Variants in C1QB observed in about 807,000 individuals in gnomAD.
The protein encoded by C1QB is complement C1q subcomponent subunit B.
A neutral mutation model predicts 4.6 loss-of-function variants in C1QB; 2 were observed. That is an observed-to-expected ratio of 0.43 (90% CI 0.18 to 1.36). C1QB has a LOEUF of 1.36. Among genes scored for constraint, C1QB ranks in the 40% most tolerant of loss-of-function variants. C1QB has a pLI of 0.28. For synonymous variants in C1QB, 132 were observed against 137.1 expected, an observed-to-expected ratio of 0.96 and a Z score of 0.26; for missense variants, 292 against 338.0, an observed-to-expected ratio of 0.86 and a Z score of 1.07.
At position 22,661,424 on chromosome 1, in the gene C1QB, C is replaced by T; in HGVS notation, c.*38C>T. 6.2e-7 allele frequency: 1 copy of T among 1,610,808 alleles called. No individual in the cohort carries two copies. The highest frequency in any genetic ancestry group is 1.7e-5 in the Admixed American group (1 of 60,020). On this transcript the variant is annotated 3_prime_UTR_variant, in exon 3 of 3. Coordinates refer to ENST00000509305, the MANE Select transcript of C1QB (RefSeq NM_001378156.1). ...TTCACATCCACCCCGGCTCCCCCTG[C>T]CAGCAACGCTCACTCTACCCCCAAC...
At position 22,660,788 on chromosome 1, in the gene C1QB, C is replaced by T. The variant is rs748925452; in HGVS notation, c.182-24C>T. On this transcript the variant is annotated intron_variant, in intron 2 of 2. Transcript: ENST00000509305. ...CCTTCTTTTGGTCTCAGTGATCTCACTTCTTTGGTCTCTGCTTTTCCAGGG... is the reference window on the plus strand; with the variant it reads ...CCTTCTTTTGGTCTCAGTGATCTCATTTCTTTGGTCTCTGCTTTTCCAGGG... The T allele has an allele frequency of 6.8e-6, 11 of 1,612,934 alleles. No individual in the cohort carries two copies. In the African/African-American group the frequency reaches 9.3e-5, roughly 14 times the overall value.
At chr1:22,659,385 T>C (rs1642585580) in intron 1 of C1QB, 55 bp from the exon 2 acceptor site, 2 of 1,486,290 alleles carry the variant, frequency 1.3e-6, no homozygotes, top group African/African-American at 1.4e-5. Context: ...GATGGATGGA[T>C]GGATGGATGA....
rs1428230041 is a variant in C1QB at position 22,661,092 on chromosome 1, C to A, written c.462C>A (p.Arg154=). ...ACATGAACAACAATTATGAGCCCCG[C>A]AGTGGCAAGTTCACCTGCAAGGTGC... is the stretch of plus-strand genomic sequence containing the variant. ...ITNMNNNYEP[R]SGKFTCKVPG... The change falls in exon 3 of 3, where the codon CGC becomes CGA. Residue 154 remains arginine (R), a synonymous_variant. Coordinates refer to ENST00000509305, the MANE Select transcript of C1QB (RefSeq NM_001378156.1). 6.2e-7 allele frequency: 1 copy of A among 1,614,190 alleles called. No individual in the cohort carries two copies. Among genetic ancestry groups the A allele is most frequent in the South Asian group, 1.1e-5 (1 of 91,080 alleles).
rs1173621013 is a variant in C1QB at position 22,661,091 on chromosome 1, G to A, written c.461G>A (p.Arg154His). The change falls in exon 3 of 3, where the codon CGC becomes CAC. Residue 154 changes from arginine (R) to histidine (H), a missense_variant. Arg to His is a conservative substitution (Grantham distance 29). Coordinates refer to ENST00000509305, the MANE Select transcript of C1QB (RefSeq NM_001378156.1). Reference protein sequence around the residue: ...ITNMNNNYEPRSGKFTCKVPG... With the variant: ...ITNMNNNYEPHSGKFTCKVPG... ...AACATGAACAACAATTATGAGCCCC[G>A]CAGTGGCAAGTTCACCTGCAAGGTG... The A allele has an allele frequency of 8.1e-6, 13 of 1,614,072 alleles. No homozygotes were observed. The highest frequency in any genetic ancestry group is 3.3e-5 in the Admixed American group (2 of 60,018).
At chr1:22,654,608 C>T (rs573842474) in intron 1 of C1QB, among the ~76,000 whole-genome samples, 7 of 152,266 alleles carry the variant, frequency 4.6e-5, no homozygotes, top group South Asian at 4.1e-4. Flanking sequence ...CTCATGTCCT[C>T]GCACATACCC....
Position 22,661,068 on chromosome 1 carries a change from C to T in C1QB, c.438C>T (p.Asn146=). 6.2e-7 allele frequency: 1 copy of T among 1,614,152 alleles called. No individual in the cohort carries two copies. The highest frequency in any genetic ancestry group is 8.5e-7 in the Non-Finnish European group (1 of 1,180,018). Residue 146 remains asparagine (N), a synonymous_variant, in exon 3 of 3, where the codon AAC becomes AAT. Coordinates refer to ENST00000509305, the MANE Select transcript of C1QB (RefSeq NM_001378156.1). ...TCCGCTTCGACCACGTGATCACCAA[C>T]ATGAACAACAATTATGAGCCCCGCA... is the stretch of plus-strand genomic sequence containing the variant. The part of the protein sequence containing the change: ...QTIRFDHVIT[N]MNNNYEPRSG...
chr1:22,658,916 G>GA (rs1557611653), intron 1 of C1QB, among the ~76,000 whole-genome samples: 4 of 92,624 alleles, frequency 4.3e-5, no homozygotes, highest in Non-Finnish European at 5.6e-5. Flanking sequence ...GATGGATGCA[G>GA]GGATGGAGGG....
Position 22,661,354 on chromosome 1 carries a change from G to T in C1QB, c.724G>T (p.Gly242Trp), listed in dbSNP as rs34813378. 6.2e-7 allele frequency: 1 copy of T among 1,613,762 alleles called. No homozygotes were observed. The highest frequency in any genetic ancestry group is 1.3e-5 in the African/African-American group (1 of 74,850). The change falls in exon 3 of 3, where the codon GGG becomes TGG. Residue 242 changes from glycine to tryptophan, a missense_variant. Coordinates refer to ENST00000509305, the MANE Select transcript of C1QB (RefSeq NM_001378156.1). ...GGAGGGTGCCAACAGCATCTTTTCC[G>T]GGTTCCTGCTCTTTCCAGATATGGA... ...GMEGANSIFS[G>W]FLLFPDMEA
chr1:22,657,308 T>C (rs1355529605), intron 1 of C1QB, among the ~76,000 whole-genome samples: 7 of 152,128 alleles, frequency 4.6e-5, no homozygotes, highest in Non-Finnish European at 8.8e-5. Context: ...TTCTAAGGAT[T>C]TTAGGAGTTG....
At chr1:22,654,431 C>A (rs947955539) in intron 1 of C1QB, among the ~76,000 whole-genome samples, 3 of 152,184 alleles carry the variant, frequency 2.0e-5, no homozygotes, top group Non-Finnish European at 2.9e-5. Flanking sequence ...ACTGACAGAG[C>A]CCCTCCCTCT....
rs1429600253 is a variant in C1QB at position 22,659,385 on chromosome 1, TGG to T, written c.-23-54_-23-53del. 1.1e-4 allele frequency: 162 copies of T among 1,486,408 alleles called. 1 individual carries two copies. The African/African-American group carries it at 2.0e-3, about 18-fold the overall frequency. The allele number at this position is 1,486,408 out of a possible 1,614,324, so 92.1% of individuals were successfully genotyped here. On this transcript the variant is annotated intron_variant, in intron 1 of 2. Transcript: ENST00000509305. ...ATGGATGGATGGATGGATGGATGGA[TGG>T]ATGGATGATAGGATCACCACGGTGG... is the stretch of plus-strand genomic sequence containing the variant.
chr1:22,658,278 TGTCCTGCCTCTG>T (rs1642556330), intron 1 of C1QB, among the ~76,000 whole-genome samples: 3 of 152,212 alleles, frequency 2.0e-5, no homozygotes, highest in Admixed American at 2.0e-4. Flanking sequence ...TCCTAACCTC[TGTCCTGCCTCTG>T]GGCCTTCTCC....
At chr1:22,656,339 C>T (rs1642531167) in intron 1 of C1QB, among the ~76,000 whole-genome samples, 1 of 152,018 alleles carries the variant, frequency 6.6e-6, no homozygotes, top group Non-Finnish European at 1.5e-5. Flanking sequence ...TTCACAATAG[C>T]CAAAAGGTGG....
At chr1:22,659,705 A>C (rs564392823) in intron 2 of C1QB, 62 bp downstream of exon 2, 1 of 1,544,658 alleles carries the variant, frequency 6.5e-7, no homozygotes, top group South Asian at 1.2e-5. Flanking sequence ...CCTGCCTCCC[A>C]AGTCACAGTT....
Position 22,659,523 on chromosome 1 carries a change from G to T in C1QB, c.61G>T (p.Asp21Tyr), listed in dbSNP as rs555943495. ...LMLLLLLGLI[D>Y]ISQAQLSCTG... ...GTTGCTCCTGCTCCTGGGCCTAATC[G>T]ATATCTCCCAGGCCCAGCTCAGCTG... Residue 21 changes from aspartate to tyrosine, a missense_variant, in exon 2 of 3, where the codon GAT (aspartate) becomes TAT (tyrosine). By Grantham distance (160) the Asp-to-Tyr change is radical (BLOSUM62 -3). Transcript: ENST00000509305. 3.7e-6 allele frequency: 6 copies of T among 1,614,000 alleles called. No individual in the cohort carries two copies. The highest frequency in any genetic ancestry group is 1.3e-5 in the African/African-American group (1 of 74,956).
chr1:22,658,438 C>A (rs1341814673), intron 1 of C1QB, among the ~76,000 whole-genome samples: 1 of 152,228 alleles, frequency 6.6e-6, no homozygotes, highest in Non-Finnish European at 1.5e-5. Flanking sequence ...CAAAACCCAC[C>A]ACCTCCCACC....
chr1:22,656,926 A>G (rs190767154), intron 1 of C1QB, among the ~76,000 whole-genome samples: 185 of 152,266 alleles, frequency 1.2e-3, no homozygotes, highest in African/African-American at 4.3e-3. Context: ...AAACAATACT[A>G]TAAAGGATAC....
intron 1 of C1QB, 47 bp from the exon 2 acceptor site, chr1:22,659,390 GGAT>G (rs1164012494): frequency 3.3e-6 from 5 of 1,510,076 alleles, no homozygotes; most frequent in Non-Finnish European, 3.7e-6. Flanking sequence ...ATGGATGGAT[GGAT>G]GATAGGATCA....
rs74223718 is a variant in C1QB, at chr1:22,656,641, G to T, written c.-23-2799G>T. On this transcript the variant is annotated intron_variant, in intron 1 of 2. Transcript: ENST00000509305. ...ACAGAAGACTTCTGTGACCAAATGT[G>T]GGGGGTTTCTCCCCACACACCAAGC... 2.6e-5 allele frequency among the ~76,000 whole-genome samples: 4 copies of T among 152,252 alleles called. No individual in the cohort carries two copies. The East Asian group carries it at 5.8e-4, about 22-fold the overall frequency.
Sources: gnomAD v4.1 joint callset for allele counts (sites outside exome capture counted in the v4.1 genomes callset) on GRCh38, gnomAD v4.1.1 for gene constraint, MANE v1.5 for transcripts, NCBI Gene and HGNC (gene_info 2026-07-23, HGNC 2026-07-21) for gene names.